The following ELAVL2 variants were observed in gnomAD, a reference collection of about 807,000 sequenced individuals.
The protein encoded by ELAVL2 is ELAV like RNA binding protein 2.
Under a neutral mutation model 34.6 loss-of-function variants are expected in ELAVL2, and 4 were observed. The ratio of observed to expected loss-of-function variants is 0.12; its 90% confidence interval spans 0.06 to 0.26. The LOEUF (loss-of-function observed/expected upper bound fraction) is 0.26. Among genes scored for constraint, ELAVL2 ranks in the 10% least tolerant of loss-of-function variants. ELAVL2 has a pLI of 1.00. For synonymous variants in ELAVL2, 193 were observed against 154.8 expected, an observed-to-expected ratio of 1.25 and a Z score of -1.83; for missense variants, 432 against 442.8, an observed-to-expected ratio of 0.98 and a Z score of 0.22.
At chr9:23,699,965 C>A in intron 5 of ELAVL2, among the ~76,000 whole-genome samples, 1 of 151,730 alleles carries the variant, frequency 6.6e-6, no homozygotes, top group Non-Finnish European at 1.5e-5. Context: ...TTTAATGTGG[C>A]ATTCATAACA....
chr9:23,755,062 C>G (rs2053206923), intron 2 of ELAVL2, among the ~76,000 whole-genome samples: 1 of 152,102 alleles, frequency 6.6e-6, no homozygotes, highest in Non-Finnish European at 1.5e-5. Context: ...AAGTCCAAAC[C>G]TTTCCTTTGT....
chr9:23,810,392 G>T (rs1564556717), intron 1 of ELAVL2, among the ~76,000 whole-genome samples: 1 of 152,144 alleles, frequency 6.6e-6, no homozygotes, highest in Middle Eastern at 3.4e-3. Flanking sequence ...AGGGACCACA[G>T]TGAAGCTTTA....
intron 3 of ELAVL2, among the ~76,000 whole-genome samples, chr9:23,725,400 C>G (rs1181580283): frequency 6.6e-6 from 1 of 152,114 alleles, no homozygotes; most frequent in East Asian, 1.9e-4. Flanking sequence ...TCATGAACTC[C>G]CAGCATTATG....
the ELAVL2 span, among the ~76,000 whole-genome samples, chr9:23,842,922 G>T: frequency 6.6e-6 from 1 of 152,074 alleles, no homozygotes; most frequent in African/African-American, 2.4e-5. Context: ...TGGCTTCAAT[G>T]AACTGTACTT....
intron 3 of ELAVL2, among the ~76,000 whole-genome samples, chr9:23,713,236 C>A (rs955793468): frequency 1.3e-5 from 2 of 152,142 alleles, no homozygotes; most frequent in Non-Finnish European, 2.9e-5. Context: ...TAAAGATATT[C>A]TTGAAATGCA....
chr9:23,793,642 C>G (rs1214094718), intron 1 of ELAVL2, among the ~76,000 whole-genome samples: 1 of 152,126 alleles, frequency 6.6e-6, no homozygotes, highest in Non-Finnish European at 1.5e-5. Flanking sequence ...AGAGCCTGAG[C>G]TTCGTAACCT....
intron 5 of ELAVL2, among the ~76,000 whole-genome samples, chr9:23,697,157 G>A (rs1172283120): frequency 6.6e-6 from 1 of 151,876 alleles, no homozygotes; most frequent in African/African-American, 2.4e-5. Context: ...TGGATAACCT[G>A]CTTTAATTAA....
chr9:23,754,815 A>G (rs550603217), intron 2 of ELAVL2, among the ~76,000 whole-genome samples: 1 of 152,232 alleles, frequency 6.6e-6, no homozygotes, highest in African/African-American at 2.4e-5. Flanking sequence ...CAGATGCAAG[A>G]TGAGTTCTCT....
At chr9:23,798,243 G>A (rs1236363654) in intron 1 of ELAVL2, among the ~76,000 whole-genome samples, 3 of 152,294 alleles carry the variant, frequency 2.0e-5, no homozygotes, top group South Asian at 2.1e-4. Flanking sequence ...CAAAAAGGTC[G>A]CAACAGCAAA....
At chr9:23,807,187 A>G (rs1398091857) in intron 1 of ELAVL2, among the ~76,000 whole-genome samples, 1 of 152,210 alleles carries the variant, frequency 6.6e-6, no homozygotes, top group East Asian at 1.9e-4. Flanking sequence ...AGCCTAGTCA[A>G]GTAAGCTTAA....
intron 5 of ELAVL2, among the ~76,000 whole-genome samples, chr9:23,700,716 T>G (rs193199505): frequency 2.0e-5 from 3 of 152,328 alleles, no homozygotes; most frequent in African/African-American, 7.2e-5. Context: ...AGAGAAAGTC[T>G]GCCAACCTGT....
At chr9:23,816,317 TAAAAAAAA>T (rs10717104) in intron 1 of ELAVL2, among the ~76,000 whole-genome samples, 39 of 44,706 alleles carry the variant, frequency 8.7e-4, no homozygotes, top group African/African-American at 3.3e-3. Flanking sequence ...AAGCTTTCAG[TAAAAAAAA>T]AAAAAAAAAA....
intron 1 of ELAVL2, among the ~76,000 whole-genome samples, chr9:23,800,644 G>A (rs2061466207): frequency 6.6e-6 from 1 of 152,146 alleles, no homozygotes; most frequent in Admixed American, 6.5e-5. Flanking sequence ...TGGTTTTGGG[G>A]AGTAGAGAAT....
At chr9:23,712,615 C>G (rs1383030664) in intron 3 of ELAVL2, among the ~76,000 whole-genome samples, 1 of 152,090 alleles carries the variant, frequency 6.6e-6, no homozygotes, top group Non-Finnish European at 1.5e-5. Context: ...AACGTACCAA[C>G]CTACAATAGC....
At chr9:23,774,920 A>G (rs2057952678) in intron 1 of ELAVL2, among the ~76,000 whole-genome samples, 3 of 152,306 alleles carry the variant, frequency 2.0e-5, no homozygotes, top group South Asian at 4.1e-4. Context: ...AGTTTCCACA[A>G]TTAATGGATC....
At chr9:23,779,667 A>G (rs2058767265) in intron 1 of ELAVL2, among the ~76,000 whole-genome samples, 1 of 152,058 alleles carries the variant, frequency 6.6e-6, no homozygotes, top group South Asian at 2.1e-4. Context: ...CTAGAAAAAG[A>G]GGCCTGAACA....
chr9:23,801,977 C>T (rs1027188015), intron 1 of ELAVL2, among the ~76,000 whole-genome samples: 13 of 152,128 alleles, frequency 8.5e-5, no homozygotes, highest in African/African-American at 2.7e-4. Flanking sequence ...ACGACTAATG[C>T]GGGAAGCTGA....
At chr9:23,826,275 A>C (rs568573765), upstream of ELAVL2, 4 of 152,344 alleles carry the variant, frequency 2.6e-5, no homozygotes, top group Non-Finnish European at 4.4e-5. Flanking sequence ...GATTTATAGC[A>C]CCGTATCACC....
In ELAVL2 at chr9:23,704,994, G is replaced by A; in HGVS notation, c.411C>T (p.Thr137=). 2 of 1,614,042 alleles carry A rather than the reference G, an allele frequency of 1.2e-6. No individual in the cohort carries two copies. The highest frequency in any genetic ancestry group is 1.1e-5 in the South Asian group (1 of 91,078). ...LYVSGLPKTM[T]QKELEQLFSQ... is the part of the protein sequence containing the mutation. Reference sequence around the variant, plus strand: ...AAAAAAGCTGTTCCAACTCCTTCTGGGTCATTGTTTTTGGAAGTCCGCTGA... The same window carrying A: ...AAAAAAGCTGTTCCAACTCCTTCTGAGTCATTGTTTTTGGAAGTCCGCTGA... Residue 137 remains threonine, a synonymous_variant, in exon 4 of 7, where the codon ACC becomes ACT. Coordinates refer to ENST00000397312, the MANE Select transcript of ELAVL2 (RefSeq NM_004432.5).
Sources: allele counts gnomAD v4.1 joint callset (sites outside exome capture counted in the v4.1 genomes callset), GRCh38; gene constraint gnomAD v4.1.1; transcripts MANE v1.5; gene names NCBI Gene and HGNC (gene_info 2026-07-23, HGNC 2026-07-21).